COG6: variants seen among roughly 807,000 people sequenced by gnomAD.
COG6 encodes the protein conserved oligomeric Golgi complex subunit 6.
COG6 carries 74 observed loss-of-function variants against 88.8 expected under a neutral mutation model. The observed-to-expected ratio is 0.83, with a 90% CI of 0.69 to 1.01. COG6 has a LOEUF of 1.01. Ranked by LOEUF, COG6 falls within the 50% of genes least tolerant of loss-of-function variation. COG6 has a pLI of 0.00. For synonymous variants in COG6, 286 were observed against 278.7 expected (o/e 1.03, Z -0.26); for missense variants, 800 against 797.9 (o/e 1.00, Z -0.03).
chr13:39,671,584 T>A (rs1875647028), intron 4 of COG6, among the ~76,000 whole-genome samples: 1 of 151,968 alleles, frequency 6.6e-6, no homozygotes, highest in South Asian at 2.1e-4. Context: ...TTCCCTGTTG[T>A]TTATGCCCAT....
At chr13:39,705,483 A>C (rs1483102480) in intron 13 of COG6, among the ~76,000 whole-genome samples, 1 of 152,092 alleles carries the variant, frequency 6.6e-6, no homozygotes, top group Admixed American at 6.6e-5. Context: ...ATATGCATCT[A>C]TACTGCAAAA....
intron 18 of COG6, among the ~76,000 whole-genome samples, chr13:39,743,351 G>C (rs192531524): frequency 3.7e-4 from 56 of 151,794 alleles, no homozygotes; most frequent in African/African-American, 1.1e-3. Context: ...ATTGATAGAC[G>C]GCTAGCAAGA....
intron 18 of COG6, among the ~76,000 whole-genome samples, chr13:39,778,554 A>G (rs1171483828): frequency 6.6e-6 from 1 of 151,850 alleles, no homozygotes; most frequent in Non-Finnish European, 1.5e-5. Flanking sequence ...CTGCCTTCAG[A>G]CCCCCCTGGA....
At chr13:39,733,606 T>C (rs899121283) in intron 18 of COG6, among the ~76,000 whole-genome samples, 12 of 152,032 alleles carry the variant, frequency 7.9e-5, no homozygotes, top group African/African-American at 2.7e-4. Flanking sequence ...TTTTTTTTTT[T>C]CTTAATCTGT....
At position 39,687,642 on chromosome 13, in the gene COG6, C is replaced by T. The variant is rs764456244; in HGVS notation, c.917+11C>T. 1.9e-6 allele frequency: 3 copies of T among 1,613,852 alleles called. No homozygotes were observed. The East Asian group carries it at 6.7e-5, about 36-fold the overall frequency. ...TCATGACCCTTTGAGGTATAGTAAT[C>T]AGACAGCAGAAGAGGAGTTGATGTT... is the stretch of plus-strand genomic sequence containing the variant. On this transcript the variant is annotated intron_variant, in intron 9 of 18. Coordinates refer to ENST00000455146, the MANE Select transcript of COG6 (RefSeq NM_020751.3).
chr13:39,718,654 A>G (rs554546350), intron 13 of COG6, among the ~76,000 whole-genome samples: 1 of 152,236 alleles, frequency 6.6e-6, no homozygotes, highest in Non-Finnish European at 1.5e-5. Context: ...ATTTGAACTT[A>G]ATGTGTTTAA....
At chr13:39,774,047 A>G (rs1881394911) in intron 18 of COG6, among the ~76,000 whole-genome samples, 1 of 152,118 alleles carries the variant, frequency 6.6e-6, no homozygotes, top group Non-Finnish European at 1.5e-5. Context: ...CAGGATGGTC[A>G]AATTGCAGGA....
chr13:39,674,868 C>T (rs1281470266), intron 4 of COG6, among the ~76,000 whole-genome samples: 1 of 151,950 alleles, frequency 6.6e-6, no homozygotes, highest in African/African-American at 2.4e-5. Context: ...GATTTGGTAC[C>T]GTCAGCAGTT....
At chr13:39,681,509 T>G (rs1413241605) in intron 7 of COG6, among the ~76,000 whole-genome samples, 1 of 152,190 alleles carries the variant, frequency 6.6e-6, no homozygotes, top group Non-Finnish European at 1.5e-5. Flanking sequence ...CATTTTAAGG[T>G]GTCTTCAATT....
At position 39,687,785 on chromosome 13, in the gene COG6, A is replaced by G. The variant is rs1381728066; in HGVS notation, c.995A>G (p.His332Arg). The change falls in exon 10 of 19, where the codon CAT becomes CGT. Residue 332 changes from histidine (H) to arginine (R), a missense_variant. His to Arg is a conservative substitution (Grantham distance 29). Transcript: ENST00000455146. ...GAACACCTTGAAGCTCTCTTAAAGC[A>G]TGTAACTACACAAGGTGGGTCCACC... ...EKEHLEALLK[H>R]VTTQGVEENI... is the part of the protein sequence containing the mutation. 3 of 1,613,014 alleles carry G rather than the reference A, an allele frequency of 1.9e-6. No individual in the cohort carries two copies. Among genetic ancestry groups the G allele is most frequent in the Non-Finnish European group, 1.7e-6 (2 of 1,179,056 alleles).
rs1359730950 is a variant in COG6, at chr13:39,751,660, C to T, written c.*567C>T. The T allele has an allele frequency of 1.6e-6, 2 of 1,286,784 alleles. No individual in the cohort carries two copies. Among genetic ancestry groups the T allele is most frequent in the Non-Finnish European group, 2.0e-6 (2 of 988,560 alleles). The allele number at this position is 1,286,784 out of a possible 1,614,324, so 79.7% of individuals were successfully genotyped here. A position where few individuals can be genotyped will look rare whatever the true frequency, so the allele number is the denominator to read the frequency against. On this transcript the variant is annotated 3_prime_UTR_variant, in exon 19 of 19. Transcript: ENST00000455146. The stretch of plus-strand genomic sequence containing the variant: ...CCTGGTGTATATGGCAGTGAATCTC[C>T]TTTCTGTTCTACTTTAGCATACTAT...
intron 4 of COG6, among the ~76,000 whole-genome samples, chr13:39,667,736 GCT>G (rs1875360332): frequency 6.6e-6 from 1 of 151,812 alleles, no homozygotes; most frequent in Non-Finnish European, 1.5e-5. Context: ...AAAAAGTGGG[GCT>G]GGGCAAGAGG....
intron 18 of COG6, among the ~76,000 whole-genome samples, chr13:39,776,068 C>T (rs534477971): frequency 6.6e-6 from 1 of 152,022 alleles, no homozygotes; most frequent in Non-Finnish European, 1.5e-5. Flanking sequence ...TGCACCCGGT[C>T]GAAAGTTTTG....
intron 13 of COG6, among the ~76,000 whole-genome samples, chr13:39,706,966 G>A (rs1451172049): frequency 3.3e-5 from 5 of 152,090 alleles, no homozygotes; most frequent in African/African-American, 9.7e-5. Flanking sequence ...TTACAGGCAT[G>A]AGCCACCATG....
Position 39,752,119 on chromosome 13 carries a change from A to G in COG6, c.*1026A>G. 1 of 1,264,868 alleles carries G rather than the reference A, an allele frequency of 7.9e-7. No individual in the cohort carries two copies. Among genetic ancestry groups the G allele is most frequent in the Non-Finnish European group, 1.0e-6 (1 of 975,554 alleles). The allele number at this position is 1,264,868 out of a possible 1,614,324, so 78.4% of individuals were successfully genotyped here. On this transcript the variant is annotated 3_prime_UTR_variant, in exon 19 of 19. Transcript: ENST00000455146. Reference sequence around the variant, plus strand: ...CTGTATTTTTAAAGGAATAAATCCCAGTGTGCCTGATTTGACATTCTTGTC... The same window carrying G: ...CTGTATTTTTAAAGGAATAAATCCCGGTGTGCCTGATTTGACATTCTTGTC...
intron 8 of COG6, 33 bp downstream of exon 8, chr13:39,682,297 C>A (rs111377323): frequency 5.4e-6 from 7 of 1,307,806 alleles, no homozygotes; most frequent in African/African-American, 1.5e-5. Flanking sequence ...AAAATGAAAG[C>A]CTACTTTTCT....
intron 11 of COG6, among the ~76,000 whole-genome samples, chr13:39,693,372 G>T (rs1593430313): frequency 6.6e-6 from 1 of 151,292 alleles, no homozygotes; most frequent in East Asian, 1.9e-4. Context: ...TTTTCTTGAT[G>T]CCTCAAAATT....
At position 39,724,530 on chromosome 13, in the gene COG6, A is replaced by G. The variant is rs1465148799; in HGVS notation, c.1715A>G (p.Asn572Ser). The change falls in exon 17 of 19, where the codon AAC (asparagine) becomes AGC (serine). Residue 572 changes from asparagine (N) to serine (S), a missense_variant. Asn to Ser is a conservative substitution (Grantham distance 46). Transcript: ENST00000455146. ...TAGGGCTCTTTAGCTAATATGCCCA[A>G]CCTAGATTCTGTGACACTGAAGGCT... The part of the protein sequence containing the change: ...PEQGSLANMP[N>S]LDSVTLKAAM... The G allele has an allele frequency of 3.8e-6, 6 of 1,596,536 alleles. No homozygotes were observed. In the Admixed American group the frequency reaches 6.7e-5, roughly 18 times the overall value.
In COG6 at chr13:39,665,137, T is replaced by C; in HGVS notation, c.411T>C (p.Thr137=). ...CTCAAGATTTAATAGTAAAAACCAC[T>C]AAGCTTCAATCTGAAAGGTAAGTTT... ...EQTQDLIVKT[T]KLQSESQKLE... The change falls in exon 4 of 19, where the codon ACT becomes ACC. Residue 137 remains threonine (T), a synonymous_variant. Transcript: ENST00000455146. 3 of 1,533,352 alleles carry C rather than the reference T, an allele frequency of 2.0e-6. No individual in the cohort carries two copies. The highest frequency in any genetic ancestry group is 1.1e-5 in the South Asian group (1 of 88,900). 95.0% of individuals were successfully genotyped at this position (1,533,352 alleles called of 1,614,324 possible). A position where few individuals can be genotyped will look rare whatever the true frequency, so the allele number is the denominator to read the frequency against.
Sources: allele counts gnomAD v4.1 joint callset (sites outside exome capture counted in the v4.1 genomes callset), GRCh38; gene constraint gnomAD v4.1.1; transcripts MANE v1.5; gene names NCBI Gene and HGNC (gene_info 2026-07-23, HGNC 2026-07-21).